The following SEMA3A variants were observed in gnomAD, a reference collection of about 807,000 sequenced individuals.
SEMA3A encodes the protein semaphorin 3A.
SEMA3A carries 29 observed loss-of-function variants against 97.9 expected under a neutral mutation model. The ratio of observed to expected loss-of-function variants is 0.30; its 90% confidence interval spans 0.22 to 0.40. SEMA3A has a LOEUF of 0.40. SEMA3A is among the 10% of genes least tolerant of loss of function. The pLI, the probability that SEMA3A is intolerant of heterozygous loss-of-function variation, is 1.00. For missense variants in SEMA3A, 763 were observed against 951.3 expected (o/e 0.80, Z 2.60); for synonymous variants, 321 against 323.7 (o/e 0.99, Z 0.09).
chr7:84,240,287 G>T (rs1799327398), intron 3 of SEMA3A, among the ~76,000 whole-genome samples: 1 of 152,122 alleles, frequency 6.6e-6, no homozygotes, highest in Admixed American at 6.6e-5. Flanking sequence ...TTTAATGCCT[G>T]GAAACTGTGA....
At chr7:84,072,537 TG>T (rs1479209671) in intron 4 of SEMA3A, among the ~76,000 whole-genome samples, 5 of 152,170 alleles carry the variant, frequency 3.3e-5, no homozygotes, top group Admixed American at 3.3e-4. Flanking sequence ...AATTTATTTT[TG>T]ATATGTTCAC....
chr7:84,473,141 GGTGT>G (rs61623414), intron 1 of SEMA3A, among the ~76,000 whole-genome samples: 39 of 141,502 alleles, frequency 2.8e-4, no homozygotes, highest in African/African-American at 4.9e-4. Flanking sequence ...AAAAAGAAAT[GGTGT>G]GTGTGTGTGT....
In SEMA3A at chr7:84,426,396, C is replaced by T. The variant is rs368540273; in HGVS notation, c.-245-54496G>A. Among the ~76,000 whole-genome samples, 108 of 152,072 alleles carry T rather than the reference C, an allele frequency of 7.1e-4. 1 individual carries two copies. The highest frequency in any genetic ancestry group is 2.4e-3 in the African/African-American group (100 of 41,520). On this transcript the variant is annotated intron_variant, in intron 1 of 3. Coordinates refer to the SEMA3A transcript ENST00000424555. Reference sequence around the variant, plus strand: ...ATGTCAGGTTCTAAGTATTTGTTGACTGATATGGTCGATGAACCACAATCA... The same window carrying T: ...ATGTCAGGTTCTAAGTATTTGTTGATTGATATGGTCGATGAACCACAATCA...
At chr7:84,412,109 C>A (rs1402116331) in intron 1 of SEMA3A, among the ~76,000 whole-genome samples, 2 of 152,080 alleles carry the variant, frequency 1.3e-5, no homozygotes, top group African/African-American at 4.8e-5. Flanking sequence ...AAATGAATGC[C>A]TTGATAAGGC....
intron 3 of SEMA3A, among the ~76,000 whole-genome samples, chr7:84,112,352 G>T (rs780162386): frequency 6.6e-6 from 1 of 152,124 alleles, no homozygotes. Flanking sequence ...AATAGTGGCA[G>T]ACCCAGATGG....
chr7:84,124,940 AT>A (rs952127977), intron 3 of SEMA3A, among the ~76,000 whole-genome samples: 2 of 152,088 alleles, frequency 1.3e-5, no homozygotes, highest in African/African-American at 4.8e-5. Context: ...TGCATAAAAA[AT>A]GTATGAAAAG....
At chr7:84,414,246 T>A (rs1310977685) in intron 1 of SEMA3A, among the ~76,000 whole-genome samples, 1 of 152,114 alleles carries the variant, frequency 6.6e-6, no homozygotes, top group East Asian at 1.9e-4. Context: ...TATGCATATA[T>A]CTTTTGATCC....
chr7:84,238,539 T>C (rs1221054167), intron 3 of SEMA3A, among the ~76,000 whole-genome samples: 2 of 152,156 alleles, frequency 1.3e-5, no homozygotes. Context: ...AAATTACTGA[T>C]AATCACTCAT....
intron 1 of SEMA3A, among the ~76,000 whole-genome samples, chr7:84,452,739 C>T (rs577180604): frequency 1.3e-5 from 2 of 152,194 alleles, no homozygotes; most frequent in Non-Finnish European, 2.9e-5. Context: ...AGACTGCACA[C>T]GGCAACAACA....
chr7:84,265,282 T>C (rs914412312), intron 3 of SEMA3A, among the ~76,000 whole-genome samples: 2 of 151,928 alleles, frequency 1.3e-5, no homozygotes, highest in African/African-American at 4.8e-5. Context: ...TGCAGTGGCA[T>C]GATCTCTGCA....
At chr7:84,047,827 T>A (rs1792414065) in intron 5 of SEMA3A, among the ~76,000 whole-genome samples, 1 of 152,010 alleles carries the variant, frequency 6.6e-6, no homozygotes, top group South Asian at 2.1e-4. Context: ...CGTACCTAAT[T>A]CTTACTTGCA....
At chr7:84,004,111 C>G (rs1790566372) in intron 11 of SEMA3A, among the ~76,000 whole-genome samples, 1 of 152,016 alleles carries the variant, frequency 6.6e-6, no homozygotes, top group African/African-American at 2.4e-5. Context: ...TACAAGGTTT[C>G]AGTGGAGCAC....
At chr7:84,309,680 A>G (rs1801265095) in intron 2 of SEMA3A, among the ~76,000 whole-genome samples, 1 of 152,188 alleles carries the variant, frequency 6.6e-6, no homozygotes, top group Non-Finnish European at 1.5e-5. Flanking sequence ...AATAGGATAG[A>G]AGGAATCCTA....
intron 6 of SEMA3A, among the ~76,000 whole-genome samples, chr7:84,029,537 C>T (rs575931350): frequency 6.6e-6 from 1 of 152,234 alleles, no homozygotes; most frequent in Admixed American, 6.5e-5. Context: ...TTCTTAACTG[C>T]AGGAAGCTGC....
chr7:84,447,908 G>T (rs370529082), intron 1 of SEMA3A, among the ~76,000 whole-genome samples: 3 of 152,124 alleles, frequency 2.0e-5, no homozygotes. Flanking sequence ...ACCGCATTCC[G>T]CTAGCTCAGA....
intron 1 of SEMA3A, among the ~76,000 whole-genome samples, chr7:84,441,740 T>C (rs773711665): frequency 6.6e-6 from 1 of 152,136 alleles, no homozygotes. Context: ...ATATTATAGT[T>C]AAACTGTTGA....
rs116153538 is a variant in SEMA3A at position 84,395,121 on chromosome 7, A to T, written c.-245-23221T>A. ...TAAACCCACAGCAGAAGGAATGGTA[A>T]ATAAAATTTCTTATGTCACTAGTAT... On this transcript the variant is annotated intron_variant, in intron 1 of 3. Coordinates refer to the SEMA3A transcript ENST00000424555. 5.0e-3 allele frequency among the ~76,000 whole-genome samples: 764 copies of T among 152,226 alleles called. 9 individuals are homozygous for T. The highest frequency in any genetic ancestry group is 0.017 in the African/African-American group (709 of 41,554).
chr7:84,275,328 A>T (rs1271455898), intron 3 of SEMA3A, among the ~76,000 whole-genome samples: 1 of 152,120 alleles, frequency 6.6e-6, no homozygotes, highest in Non-Finnish European at 1.5e-5. Flanking sequence ...ACAATCTGAT[A>T]TTTGGACCAA....
chr7:84,218,043 C>T (rs1392320180), intron 3 of SEMA3A, among the ~76,000 whole-genome samples: 1 of 151,614 alleles, frequency 6.6e-6, no homozygotes, highest in Non-Finnish European at 1.5e-5. Flanking sequence ...TGACTTTTAT[C>T]TTTATTTCAA....
Sources: gnomAD v4.1 joint callset for allele counts (sites outside exome capture counted in the v4.1 genomes callset) on GRCh38, gnomAD v4.1.1 for gene constraint, MANE v1.5 for transcripts, NCBI Gene and HGNC (gene_info 2026-07-23, HGNC 2026-07-21) for gene names.